The following TGM7 variants were observed in gnomAD, a reference collection of about 807,000 sequenced individuals.
The protein encoded by TGM7 is transglutaminase 7, also known as protein-glutamine gamma-glutamyltransferase Z.
A neutral mutation model predicts 79.5 loss-of-function variants in TGM7; 74 were observed. The ratio of observed to expected loss-of-function variants is 0.93; its 90% CI spans 0.77 to 1.13. The LOEUF (loss-of-function observed/expected upper bound fraction) is 1.13. TGM7 is among the 50% of genes most tolerant of loss of function. The pLI is 0.00. For synonymous variants in TGM7, 354 were observed against 362.5 expected (o/e 0.98, Z 0.27); for missense variants, 912 against 905.9 (o/e 1.01, Z -0.09).
intron 7 of TGM7, among the ~76,000 whole-genome samples, chr15:43,284,032 C>A (rs1282635337): frequency 6.6e-6 from 1 of 152,164 alleles, no homozygotes; most frequent in Non-Finnish European, 1.5e-5. Flanking sequence ...AACCCCGTCT[C>A]TACTAAAAAT....
intron 6 of TGM7, among the ~76,000 whole-genome samples, chr15:43,285,529 G>A (rs2042931168): frequency 6.6e-6 from 1 of 152,128 alleles, no homozygotes; most frequent in Non-Finnish European, 1.5e-5. Context: ...TGTCACGGGG[G>A]GTTGTTGTAC....
chr15:43,294,072 C>T (rs940447075), intron 1 of TGM7, among the ~76,000 whole-genome samples: 4 of 152,104 alleles, frequency 2.6e-5, no homozygotes, highest in African/African-American at 4.8e-5. Flanking sequence ...GCTGCATGCT[C>T]TTAACTATTT....
rs777829273 is a variant in TGM7 at position 43,279,195 on chromosome 15, G to A, written c.1761C>T (p.Ile587=). The A allele has an allele frequency of 2.2e-5, 35 of 1,614,008 alleles. No individual in the cohort carries two copies. The highest frequency in any genetic ancestry group is 8.3e-5 in the Admixed American group (5 of 59,996). ...TDEKLIRVSG[I]AEVEETGRSM... is the part of the protein sequence containing the mutation. The stretch of plus-strand genomic sequence containing the variant: ...ACCTCCCTGTCTCTTCAACCTCCGC[G>A]ATGCCAGACACGCGGATGAGCTTTT... Residue 587 remains isoleucine (I), a synonymous_variant, in exon 11 of 13, where the codon ATC becomes ATT. Coordinates refer to ENST00000452443, the MANE Select transcript of TGM7 (RefSeq NM_052955.3).
At chr15:43,296,951 A>C (rs767850834) in intron 1 of TGM7, among the ~76,000 whole-genome samples, 1 of 152,200 alleles carries the variant, frequency 6.6e-6, no homozygotes, top group African/African-American at 2.4e-5. Flanking sequence ...AAGAGGCTCA[A>C]CAAAGCAGAA....
intron 10 of TGM7, 36 bp downstream of exon 10, chr15:43,279,589 C>T (rs763384906): frequency 2.0e-6 from 3 of 1,534,538 alleles, no homozygotes; most frequent in Non-Finnish European, 8.8e-7. Context: ...AGCTCCCCTC[C>T]CTGTAGGTGC....
chr15:43,283,958 A>G lies in TGM7; in HGVS notation c.1004+856T>C, dbSNP rs189928896. Reference sequence around the variant, plus strand: ...TGCGGTGGCTCAGGCCTGTAATCCCAGCACTTTGGGAGGCCGAGGCGAGTG... The same window carrying G: ...TGCGGTGGCTCAGGCCTGTAATCCCGGCACTTTGGGAGGCCGAGGCGAGTG... On this transcript the variant is annotated intron_variant, in intron 7 of 12. Transcript: ENST00000452443. 7.3e-4 allele frequency among the ~76,000 whole-genome samples: 111 copies of G among 152,358 alleles called. 2 individuals are homozygous for G. The highest frequency in any genetic ancestry group is 8.3e-4 in the South Asian group (4 of 4,830).
Position 43,295,811 on chromosome 15 carries a change from A to C in TGM7, c.11-2180T>G, listed in dbSNP as rs1257070105. Among the ~76,000 whole-genome samples, 14 of 152,244 alleles carry C rather than the reference A, an allele frequency of 9.2e-5. 1 individual carries two copies. Among genetic ancestry groups the C allele is most frequent in the Non-Finnish European group, 2.1e-4 (14 of 68,040 alleles). ...TCTTAACAACAATCTTTTGTAAGGT[A>C]GATTCAACAAAGGTGAATTACTGGA... On this transcript the variant is annotated intron_variant, in intron 1 of 12. Transcript: ENST00000452443.
At chr15:43,300,291 A>G (rs1234392385) in intron 1 of TGM7, among the ~76,000 whole-genome samples, 3 of 152,180 alleles carry the variant, frequency 2.0e-5, no homozygotes, top group African/African-American at 7.2e-5. Flanking sequence ...ACCCAATTCC[A>G]TATTATCAGC....
At position 43,276,321 on chromosome 15, in the gene TGM7, TGTTTCTAACAGA is replaced by T; in HGVS notation, c.*122_*133del. ...TATTGTCTCTTCCCAAAGCACACGGTGTTTCTAACAGAGCTTCATTCATTCCCAGGCAGGCTA... is the reference window on the plus strand; with the variant it reads ...TATTGTCTCTTCCCAAAGCACACGGTGCTTCATTCATTCCCAGGCAGGCTA... On this transcript the variant is annotated 3_prime_UTR_variant, in exon 13 of 13. Transcript: ENST00000452443. 9.8e-7 allele frequency: 1 copy of T among 1,024,674 alleles called. No homozygotes were observed. The highest frequency in any genetic ancestry group is 2.4e-5 in the Admixed American group (1 of 41,424). The allele number at this position is 1,024,674 out of a possible 1,614,324, so 63.5% of individuals were successfully genotyped here. A position where few individuals can be genotyped will look rare whatever the true frequency, so the allele number is the denominator to read the frequency against.
Position 43,302,094 on chromosome 15 carries a change from TAAG to T in TGM7, c.10+144_10+146del, listed in dbSNP as rs1405439319. The T allele has an allele frequency of 2.6e-5, 23 of 894,722 alleles. No individual in the cohort carries two copies. The East Asian group carries it at 4.2e-4, about 16-fold the overall frequency. The allele number at this position is 894,722 out of a possible 1,614,324, so 55.4% of individuals were successfully genotyped here. ...CAAGGTCCAAATGCAGATGGAGAAG[TAAG>T]AAGAAGGAGCCGTATTGCACAATGA... On this transcript the variant is annotated intron_variant, in intron 1 of 12. Coordinates refer to ENST00000452443, the MANE Select transcript of TGM7 (RefSeq NM_052955.3).
rs1163720619 is a variant in TGM7 at position 43,293,487 on chromosome 15, T to A, written c.155A>T (p.Gln52Leu). Residue 52 changes from glutamine to leucine, a missense_variant, in exon 2 of 13, where the codon CAG (glutamine) becomes CTG (leucine). Gln to Leu is a moderately radical substitution (Grantham distance 113). Transcript: ENST00000452443. The stretch of plus-strand genomic sequence containing the variant: ...AAAGGTGATGTGGTCGTTCTGGGAC[T>A]GGAAGGGTCGGCTGAAGCTCAGCCG... ...YLRLSFSRPFQSQNDHITFVA... is the reference protein window; with the variant it reads ...YLRLSFSRPFLSQNDHITFVA... 6.2e-7 allele frequency: 1 copy of A among 1,610,596 alleles called. No individual in the cohort carries two copies. Among genetic ancestry groups the A allele is most frequent in the Non-Finnish European group, 8.5e-7 (1 of 1,178,752 alleles).
Position 43,293,476 on chromosome 15 carries a change from C to A in TGM7, c.166G>T (p.Asp56Tyr), listed in dbSNP as rs978034198. 1.9e-6 allele frequency: 3 copies of A among 1,608,428 alleles called. No homozygotes were observed. Among genetic ancestry groups the A allele is most frequent in the South Asian group, 2.2e-5 (2 of 90,726 alleles). Reference protein sequence around the residue: ...SFSRPFQSQNDHITFVAETGP... With the variant: ...SFSRPFQSQNYHITFVAETGP... Reference sequence around the variant, plus strand: ...GTCTCAGCCACAAAGGTGATGTGGTCGTTCTGGGACTGGAAGGGTCGGCTG... The same window carrying A: ...GTCTCAGCCACAAAGGTGATGTGGTAGTTCTGGGACTGGAAGGGTCGGCTG... The change falls in exon 2 of 13, where the codon GAC becomes TAC. Residue 56 changes from aspartate to tyrosine, a missense_variant. Coordinates refer to ENST00000452443, the MANE Select transcript of TGM7 (RefSeq NM_052955.3).
chr15:43,302,152 T>C (rs2043028238), intron 1 of TGM7, 89 bp downstream of exon 1: 2 of 1,500,490 alleles, frequency 1.3e-6, no homozygotes, highest in Non-Finnish European at 1.9e-6. Flanking sequence ...GGCTCTCCTG[T>C]CGCTTCCCTA....
intron 7 of TGM7, among the ~76,000 whole-genome samples, chr15:43,283,480 C>CTTTTTTTT (rs11335371): frequency 2.0e-5 from 3 of 151,408 alleles, no homozygotes; most frequent in African/African-American, 7.3e-5. Context: ...CTCTCTTTTT[C>CTTTTTTTT]TTTTTTTTTG....
intron 1 of TGM7, among the ~76,000 whole-genome samples, chr15:43,299,629 G>T (rs1461018019): frequency 1.3e-5 from 2 of 152,218 alleles, no homozygotes; most frequent in African/African-American, 4.8e-5. Flanking sequence ...AGCTGGCATG[G>T]AGTTGGCACC....
chr15:43,292,074 C>A lies in TGM7; in HGVS notation c.463G>T (p.Glu155Ter). The change falls in exon 4 of 13, where the codon GAA becomes TAA. Residue 155 changes from glutamate (E) to a stop codon, truncating the protein, a stop_gained. Transcript: ENST00000452443. LOFTEE classifies it high-confidence loss of function. ...ATGATATACTCCTGCAGCAGTATTT[C>A]ACTTGGCAGGTAGACGTCGTCCTCT... ...SPEDDVYLPS[E>*]ILLQEYIMRD... The A allele has an allele frequency of 6.2e-7, 1 of 1,613,822 alleles. No homozygotes were observed.
rs183374553 is a variant in TGM7, at chr15:43,280,205, C to T, written c.1352-254G>A. ...AAACGTCAGGCTGAGTTGCTGGCTG[C>T]AAGGACTCAGCACTGTTTTCTACCA... is the stretch of plus-strand genomic sequence containing the variant. On this transcript the variant is annotated intron_variant, in intron 9 of 12. Coordinates refer to ENST00000452443, the MANE Select transcript of TGM7 (RefSeq NM_052955.3). Among the ~76,000 whole-genome samples, 79 of 152,272 alleles carry T rather than the reference C, an allele frequency of 5.2e-4. 1 individual carries two copies. In the East Asian group the frequency reaches 0.015, roughly 29 times the overall value.
intron 6 of TGM7, among the ~76,000 whole-genome samples, chr15:43,286,270 G>A (rs867801704): frequency 6.6e-6 from 1 of 152,136 alleles, no homozygotes; most frequent in Non-Finnish European, 1.5e-5. Context: ...CCTGTAACTC[G>A]AGCGCCTGGG....
chr15:43,282,364 G>A (rs1399943763), intron 8 of TGM7, among the ~76,000 whole-genome samples, 153 bp downstream of exon 8: 1 of 152,188 alleles, frequency 6.6e-6, no homozygotes, highest in African/African-American at 2.4e-5. Flanking sequence ...CAATGGTAGA[G>A]TTAGATTCCT....
Sources: gnomAD v4.1 joint callset for allele counts (sites outside exome capture counted in the v4.1 genomes callset) on GRCh38, gnomAD v4.1.1 for gene constraint, MANE v1.5 for transcripts, NCBI Gene and HGNC (gene_info 2026-07-23, HGNC 2026-07-21) for gene names.